Variants in VPS54 observed in about 807,000 individuals in gnomAD.
VPS54 encodes the protein VPS54 subunit of GARP complex.
A neutral mutation model predicts 121.5 loss-of-function variants in VPS54; 45 were observed. The ratio of observed to expected loss-of-function variants is 0.37; its 90% confidence interval spans 0.29 to 0.47. The LOEUF is 0.47. Among genes scored for constraint, VPS54 ranks in the 20% least tolerant of loss-of-function variants. The pLI is 0.99. For synonymous variants in VPS54, 371 were observed against 385.8 expected, an observed-to-expected ratio of 0.96 and a Z score of 0.45; for missense variants, 1,090 against 1,131.4, an observed-to-expected ratio of 0.96 and a Z score of 0.52.
intron 13 of VPS54, among the ~76,000 whole-genome samples, chr2:63,920,883 CTTGT>C (rs1673611154): frequency 6.6e-6 from 1 of 151,946 alleles, no homozygotes; most frequent in Non-Finnish European, 1.5e-5. Flanking sequence ...TTATTATAAA[CTTGT>C]TTAACTACAT....
intron 1 of VPS54, among the ~76,000 whole-genome samples, chr2:64,017,308 G>C (rs1678751420): frequency 1.3e-5 from 2 of 149,094 alleles, no homozygotes; most frequent in South Asian, 4.2e-4. Context: ...CTGCACTCCA[G>C]CCTGGGCAAC....
At chr2:63,979,293 G>A (rs1229328249) in intron 3 of VPS54, among the ~76,000 whole-genome samples, 1 of 148,246 alleles carries the variant, frequency 6.7e-6, no homozygotes, top group Admixed American at 6.7e-5. Context: ...AGGCTAGAGT[G>A]CAATGGTGCG....
At position 63,933,748 on chromosome 2, in the gene VPS54, G is replaced by A; in HGVS notation, c.1664C>T (p.Pro555Leu). The change falls in exon 12 of 23, where the codon CCA becomes CTA. Residue 555 changes from proline (P) to leucine (L), a missense_variant. Pro to Leu is a moderately conservative substitution (Grantham distance 98, BLOSUM62 -3). Coordinates refer to ENST00000272322, the MANE Select transcript of VPS54 (RefSeq NM_016516.3). The stretch of plus-strand genomic sequence containing the variant: ...GGATGAAGAATCAGTAGTACATTCT[G>A]GCTCGGATACAGAATCACTGCTGCA... ...EPCSSDSVSE[P>L]ECTTDSSSSK... is the part of the protein sequence containing the mutation. 1.2e-6 allele frequency: 2 copies of A among 1,613,856 alleles called. No individual in the cohort carries two copies. The highest frequency in any genetic ancestry group is 1.7e-6 in the Non-Finnish European group (2 of 1,179,830).
chr2:63,921,319 T>C lies in VPS54; in HGVS notation c.1756A>G (p.Lys586Glu), dbSNP rs1183035096. 1.2e-6 allele frequency: 2 copies of C among 1,612,566 alleles called. No individual in the cohort carries two copies. The highest frequency in any genetic ancestry group is 1.7e-6 in the Non-Finnish European group (2 of 1,179,228). Residue 586 changes from lysine to glutamate, a missense_variant, in exon 13 of 23, where the codon AAA (lysine) becomes GAA (glutamate). This residue lies in a region of VPS54 where 801 missense variants were observed against 757.0 expected (regional missense o/e 1.06). Coordinates refer to ENST00000272322, the MANE Select transcript of VPS54 (RefSeq NM_016516.3). ...TTTCCTAGCTCTGAGTCAGTTAATT[T>C]CATATCTTCACTGACCCTGAAAATA... ...GVDIMVSEDM[K>E]LTDSELGKLA...
intron 7 of VPS54, among the ~76,000 whole-genome samples, chr2:63,957,574 T>A (rs1575956504): frequency 6.6e-6 from 1 of 151,974 alleles, no homozygotes; most frequent in Admixed American, 6.6e-5. Flanking sequence ...TAATAATAAT[T>A]ATGAGTTATG....
chr2:63,903,831 G>A (rs12996866), intron 20 of VPS54, among the ~76,000 whole-genome samples: 22,829 of 151,812 alleles, frequency 0.15, 1,983 homozygotes, highest in Middle Eastern at 0.22. Flanking sequence ...CTGAAAAAAG[G>A]GGAAAATCAG....
At chr2:64,013,561 TA>T (rs1678530342) in intron 1 of VPS54, among the ~76,000 whole-genome samples, 3 of 146,262 alleles carry the variant, frequency 2.1e-5, no homozygotes, top group Non-Finnish European at 4.5e-5. Flanking sequence ...ATATATATGA[TA>T]TATATATCAG....
intron 22 of VPS54, among the ~76,000 whole-genome samples, chr2:63,894,968 G>A (rs537596401): frequency 1.3e-5 from 2 of 152,264 alleles, no homozygotes; most frequent in East Asian, 1.9e-4. Flanking sequence ...GACTGCAGAT[G>A]GGGTGTAAAG....
At chr2:63,922,957 A>T (rs952587714) in intron 12 of VPS54, among the ~76,000 whole-genome samples, 3 of 152,128 alleles carry the variant, frequency 2.0e-5, no homozygotes, top group Admixed American at 2.0e-4. Context: ...GAGTGAATTA[A>T]TCCAAAAAGC....
At chr2:64,016,648 A>C (rs1576029925) in intron 1 of VPS54, among the ~76,000 whole-genome samples, 1 of 148,500 alleles carries the variant, frequency 6.7e-6, no homozygotes, top group Non-Finnish European at 1.5e-5. Flanking sequence ...TCGTTCTGTC[A>C]CCCAGCCTGT....
intron 17 of VPS54, 44 bp from the exon 18 acceptor site, chr2:63,913,354 T>C: frequency 6.9e-7 from 1 of 1,453,756 alleles, no homozygotes; most frequent in Non-Finnish European, 9.5e-7. Flanking sequence ...TACTAAAAAC[T>C]GTTCTTTATA....
rs1674014947 is a variant in VPS54, at chr2:63,928,362, C to T, written c.1739+5311G>A. Among the ~76,000 whole-genome samples the T allele has an allele frequency of 2.0e-5, 3 of 152,254 alleles. No individual in the cohort carries two copies. The South Asian group carries it at 6.2e-4, about 32-fold the overall frequency. ...GAAGAGAGTGGGGGCCAAGATTCAACATTCTTAAAGAATTTTCAACCCAGA... is the reference window on the plus strand; with the variant it reads ...GAAGAGAGTGGGGGCCAAGATTCAATATTCTTAAAGAATTTTCAACCCAGA... On this transcript the variant is annotated intron_variant, in intron 12 of 22. Coordinates refer to ENST00000272322, the MANE Select transcript of VPS54 (RefSeq NM_016516.3).
intron 9 of VPS54, among the ~76,000 whole-genome samples, chr2:63,945,017 T>C (rs1674913494): frequency 6.6e-6 from 1 of 152,164 alleles, no homozygotes; most frequent in Admixed American, 6.5e-5. Flanking sequence ...TACCATTCAA[T>C]CCAGCAATCC....
chr2:63,920,361 A>T, intron 14 of VPS54, 85 bp downstream of exon 14: 1 of 1,275,092 alleles, frequency 7.8e-7, no homozygotes, highest in East Asian at 2.8e-5. Flanking sequence ...TTCACTGGCC[A>T]ATTAGGTTTC....
intron 11 of VPS54, among the ~76,000 whole-genome samples, chr2:63,940,778 G>A (rs962466974): frequency 6.6e-6 from 1 of 152,314 alleles, no homozygotes; most frequent in South Asian, 2.1e-4. Context: ...CAATGTAAGA[G>A]TTCTATATAA....
chr2:63,913,601 G>T (rs1463748869), intron 17 of VPS54, among the ~76,000 whole-genome samples: 1 of 152,088 alleles, frequency 6.6e-6, no homozygotes, highest in East Asian at 1.9e-4. Flanking sequence ...AGTCATTCTT[G>T]TTGGGAAGTC....
chr2:63,953,327 T>A (rs112130753), intron 7 of VPS54, among the ~76,000 whole-genome samples: 3 of 152,048 alleles, frequency 2.0e-5, no homozygotes, highest in African/African-American at 7.2e-5. Context: ...AAGACAGGGT[T>A]TCACCATATT....
intron 20 of VPS54, 61 bp from the exon 21 acceptor site, chr2:63,899,642 C>T: frequency 7.5e-7 from 1 of 1,336,258 alleles, no homozygotes. Context: ...ATGTCTCCAC[C>T]ATTCCCTGAG....
In VPS54 at chr2:63,967,718, C is replaced by CAAAAAAAA. The variant is rs56820620; in HGVS notation, c.492+1231_492+1238dup. 1.9e-3 allele frequency among the ~76,000 whole-genome samples: 100 copies of CAAAAAAAA among 52,976 alleles called. 11 individuals carry two copies. The highest frequency in any genetic ancestry group is 6.3e-3 in the African/African-American group (79 of 12,522). The allele number at this position is 52,976 out of a possible 152,430, so 34.8% of individuals were successfully genotyped here. A position where few individuals can be genotyped will look rare whatever the true frequency, so the allele number is the denominator to read the frequency against. On this transcript the variant is annotated intron_variant, in intron 5 of 22. Transcript: ENST00000272322. Reference sequence around the variant, plus strand: ...TGGGCGACAGAGAGAGACTCTGCCTCAAAAAAAAAAAAAAAAATCTTATAA... The same window carrying CAAAAAAAA: ...TGGGCGACAGAGAGAGACTCTGCCTCAAAAAAAAAAAAAAAAAAAAAAAAATCTTATAA...
Sources: gnomAD v4.1 joint callset for allele counts (sites outside exome capture counted in the v4.1 genomes callset) on GRCh38, gnomAD v4.1.1 for gene constraint, gnomAD v4.1.1 regional missense constraint, MANE v1.5 for transcripts, NCBI Gene and HGNC (gene_info 2026-07-23, HGNC 2026-07-21) for gene names.